The following SEPTIN7 variants were observed in gnomAD, a reference collection of about 807,000 sequenced individuals.
SEPTIN7 encodes septin-7.
SEPTIN7 carries 10 observed loss-of-function variants against 63.3 expected under a neutral mutation model. That is an observed-to-expected ratio of 0.16 (90% CI 0.10 to 0.27). The LOEUF (loss-of-function observed/expected upper bound fraction) is 0.27, where lower values mean the gene tolerates loss of function less well. Ranked by LOEUF, SEPTIN7 falls within the 10% of genes least tolerant of loss-of-function variation. SEPTIN7 has a pLI of 1.00. For missense variants in SEPTIN7, 310 were observed against 521.0 expected (o/e 0.59, Z 3.94); for synonymous variants, 131 against 165.3 (o/e 0.79, Z 1.59).
intron 3 of SEPTIN7, among the ~76,000 whole-genome samples, chr7:35,853,022 T>C (rs1250560228): frequency 3.3e-5 from 5 of 152,166 alleles, no homozygotes; most frequent in East Asian, 1.9e-4. Context: ...AATTAAAGAT[T>C]TGACAAGCCT....
intron 3 of SEPTIN7, among the ~76,000 whole-genome samples, chr7:35,846,069 G>A (rs1784651761): frequency 6.6e-6 from 1 of 151,922 alleles, no homozygotes; most frequent in African/African-American, 2.4e-5. Flanking sequence ...GTAATATGAA[G>A]GAAGTATATG....
intron 1 of SEPTIN7, among the ~76,000 whole-genome samples, chr7:35,801,494 A>T (rs1308177577): frequency 6.7e-6 from 1 of 150,102 alleles, no homozygotes; most frequent in Non-Finnish European, 1.5e-5. Context: ...AGGAGAGCCG[A>T]GGCGGCGGCA....
At chr7:35,852,912 T>A (rs1307717338) in intron 3 of SEPTIN7, among the ~76,000 whole-genome samples, 2 of 152,122 alleles carry the variant, frequency 1.3e-5, no homozygotes, top group African/African-American at 4.8e-5. Context: ...GATCTATTAT[T>A]GTATCTTGTA....
At chr7:35,832,211 T>C in intron 2 of SEPTIN7, 1 of 391,240 alleles carries the variant, frequency 2.6e-6, no homozygotes, top group South Asian at 1.9e-5. Context: ...ATGTGAAACC[T>C]TGAAGTGACA....
chr7:35,914,917 T>C, the SEPTIN7 span, among the ~76,000 whole-genome samples: 2 of 152,050 alleles, frequency 1.3e-5, no homozygotes, highest in South Asian at 2.1e-4. Flanking sequence ...TATATAGATA[T>C]GTATTTGCAC....
chr7:35,803,896 T>G (rs1788161658), intron 1 of SEPTIN7, among the ~76,000 whole-genome samples: 1 of 152,218 alleles, frequency 6.6e-6, no homozygotes, highest in Non-Finnish European at 1.5e-5. Flanking sequence ...TCTACAGCAG[T>G]GTTTTGAAGA....
intron 1 of SEPTIN7, chr7:35,803,031 C>T (rs777735911): frequency 3.4e-6 from 1 of 291,058 alleles, no homozygotes; most frequent in Admixed American, 6.5e-5. Flanking sequence ...ACATATTTTA[C>T]CACATCTTAG....
At chr7:35,892,796 T>C (rs558746226) in intron 11 of SEPTIN7, among the ~76,000 whole-genome samples, 34 of 152,242 alleles carry the variant, frequency 2.2e-4, no homozygotes, top group African/African-American at 7.9e-4. Flanking sequence ...ACTGGAAATA[T>C]ATCTCTTAAA....
At chr7:35,811,171 A>C (rs180788016) in intron 1 of SEPTIN7, among the ~76,000 whole-genome samples, 1 of 152,268 alleles carries the variant, frequency 6.6e-6, no homozygotes, top group Non-Finnish European at 1.5e-5. Flanking sequence ...AGAGGAGGCA[A>C]AATTCTCATA....
At chr7:35,828,065 G>A (rs1441003221) in intron 1 of SEPTIN7, among the ~76,000 whole-genome samples, 1 of 151,982 alleles carries the variant, frequency 6.6e-6, no homozygotes, top group Non-Finnish European at 1.5e-5. Context: ...AGTCATATGG[G>A]GGAACTGACA....
chr7:35,882,835 G>A (rs1039344669), intron 8 of SEPTIN7, among the ~76,000 whole-genome samples: 37 of 152,000 alleles, frequency 2.4e-4, no homozygotes, highest in African/African-American at 8.2e-4. Context: ...TTCATATTAT[G>A]TAATTTTTTT....
chr7:35,823,551 C>T (rs185326487), intron 1 of SEPTIN7, among the ~76,000 whole-genome samples: 49 of 152,310 alleles, frequency 3.2e-4, no homozygotes, highest in Non-Finnish European at 5.4e-4. Context: ...CCTTGATCCT[C>T]TCCATTTTCA....
intron 3 of SEPTIN7, 139 bp from the exon 4 acceptor site, chr7:35,863,413 G>A: frequency 1.7e-6 from 1 of 584,606 alleles, no homozygotes; most frequent in South Asian, 2.2e-5. Flanking sequence ...CTTATTCTCT[G>A]TAGCATATTT....
upstream of SEPTIN7, chr7:35,801,018 G>A: frequency 4.4e-6 from 2 of 457,226 alleles, no homozygotes; most frequent in Non-Finnish European, 7.7e-6. Flanking sequence ...AGGCCCGGAA[G>A]CCTCGTCTGA....
rs369243241 is a variant in SEPTIN7 at position 35,801,229 on chromosome 7, C to T, written c.20C>T (p.Ser7Phe). The T allele has an allele frequency of 7.8e-6, 12 of 1,533,914 alleles. No individual in the cohort carries two copies. The highest frequency in any genetic ancestry group is 2.1e-5 in the Admixed American group (1 of 48,698). ...GAGGGGATGTCGGTCAGTGCGAGAT[C>T]CGCTGCTGCTGAGGAGAGGAGCGTC... MSVSAR[S>F]AAAEERSVNS... is the part of the protein sequence containing the mutation. Residue 7 changes from serine to phenylalanine, a missense_variant, in exon 1 of 14, where the codon TCC becomes TTC. Physicochemically the swap from Ser to Phe is radical, Grantham distance 155 (BLOSUM62 -2). Around this residue, in one of 2 missense-constraint regions of SEPTIN7, gnomAD observed 55 missense variants for 30.5 expected, o/e 1.80. Transcript: ENST00000350320.
intron 6 of SEPTIN7, among the ~76,000 whole-genome samples, chr7:35,878,585 G>T (rs1786624000): frequency 6.6e-6 from 1 of 152,158 alleles, no homozygotes; most frequent in African/African-American, 2.4e-5. Context: ...TCATGTTATA[G>T]TTATTCATTC....
intron 9 of SEPTIN7, among the ~76,000 whole-genome samples, chr7:35,884,605 A>T (rs1369845478): frequency 2.0e-5 from 3 of 152,190 alleles, no homozygotes; most frequent in African/African-American, 7.2e-5. Context: ...AGAGAAGGCC[A>T]GTCACTTTTA....
chr7:35,856,785 A>T (rs1473295522), intron 3 of SEPTIN7, among the ~76,000 whole-genome samples: 1 of 152,042 alleles, frequency 6.6e-6, no homozygotes, highest in Non-Finnish European at 1.5e-5. Context: ...CTTATTTCTC[A>T]TCGAGGTTTG....
At chr7:35,895,828 C>T (rs1287584649) in intron 11 of SEPTIN7, among the ~76,000 whole-genome samples, 7 of 151,604 alleles carry the variant, frequency 4.6e-5, no homozygotes, top group Admixed American at 6.6e-5. Context: ...TTTTTTTCTT[C>T]GAGATGGACT....
Sources: allele counts gnomAD v4.1 joint callset (sites outside exome capture counted in the v4.1 genomes callset), GRCh38; gene constraint gnomAD v4.1.1; regional missense constraint gnomAD v4.1.1; transcripts MANE v1.5; gene names NCBI Gene and HGNC (gene_info 2026-07-23, HGNC 2026-07-21).